The following EXPH5 variants were observed in gnomAD, a reference collection of about 807,000 sequenced individuals.
EXPH5 encodes the protein exophilin-5.
In EXPH5, 42 loss-of-function variants were observed where a neutral mutation model predicts 41.1. The observed-to-expected ratio is 1.02, with a 90% CI of 0.80 to 1.32. EXPH5 has a LOEUF of 1.32. Ranked by LOEUF, EXPH5 falls within the 40% of genes most tolerant of loss-of-function variation. The pLI is 0.00. For synonymous variants in EXPH5, 798 were observed against 833.5 expected (o/e 0.96, Z 0.73); for missense variants, 2,298 against 2,314.5 (o/e 0.99, Z 0.15).
intron 1 of EXPH5, among the ~76,000 whole-genome samples, chr11:108,551,136 G>A (rs554141197): frequency 1.3e-5 from 2 of 152,306 alleles, no homozygotes; most frequent in South Asian, 2.1e-4. Context: ...CTCATTTACA[G>A]AGAGGACATG....
chr11:108,520,527 A>T (rs1244282793), intron 4 of EXPH5, among the ~76,000 whole-genome samples: 1 of 151,900 alleles, frequency 6.6e-6, no homozygotes, highest in Non-Finnish European at 1.5e-5. Context: ...AATGATATAG[A>T]ACTAAATTTG....
chr11:108,573,622 G>A (rs1208103231), intron 1 of EXPH5, among the ~76,000 whole-genome samples: 1 of 152,160 alleles, frequency 6.6e-6, no homozygotes, highest in East Asian at 1.9e-4. Flanking sequence ...AAGGGCCTCA[G>A]AAGGAGATGG....
At chr11:108,587,046 T>C (rs1360096142) in intron 1 of EXPH5, among the ~76,000 whole-genome samples, 1 of 152,166 alleles carries the variant, frequency 6.6e-6, no homozygotes, top group African/African-American at 2.4e-5. Context: ...AGCTAGCACT[T>C]CTTAGTTCTT....
intron 1 of EXPH5, chr11:108,552,222 C>T (rs2093969305): frequency 6.6e-6 from 1 of 152,162 alleles, no homozygotes; most frequent in East Asian, 1.9e-4. Flanking sequence ...GGCCTGGTCT[C>T]TCTCCCTGTT....
chr11:108,574,251 C>T (rs1480435107), intron 1 of EXPH5, among the ~76,000 whole-genome samples: 1 of 151,820 alleles, frequency 6.6e-6, no homozygotes, highest in Non-Finnish European at 1.5e-5. Context: ...TGGTGGTGCA[C>T]GTTCATAGTC....
rs538863629 is a variant in EXPH5, at chr11:108,537,261, G to C, written c.443+1763C>G. 3.3e-5 allele frequency among the ~76,000 whole-genome samples: 5 copies of C among 152,262 alleles called. No homozygotes were observed. In the South Asian group the frequency reaches 8.3e-4, roughly 25 times the overall value. ...TCAAATTTAAAAATAAAAACGACAT[G>C]CTTTTATATTTCATCTTCTGAAACC... On this transcript the variant is annotated intron_variant, in intron 3 of 5. Coordinates refer to ENST00000265843, the MANE Select transcript of EXPH5 (RefSeq NM_015065.3).
chr11:108,555,941 T>C (rs1054433792), intron 1 of EXPH5, among the ~76,000 whole-genome samples: 1 of 152,176 alleles, frequency 6.6e-6, no homozygotes, highest in Non-Finnish European at 1.5e-5. Flanking sequence ...AACGGACGTA[T>C]ACAAGCCCCT....
intron 2 of EXPH5, among the ~76,000 whole-genome samples, chr11:108,540,827 TC>T (rs1054348786): frequency 5.9e-5 from 9 of 151,620 alleles, no homozygotes; most frequent in African/African-American, 2.2e-4. Context: ...CCTCCACCCC[TC>T]CCCTTTTTCT....
At chr11:108,594,812 T>C (rs1339993757), upstream of EXPH5, among the ~76,000 whole-genome samples, 1 of 152,228 alleles carries the variant, frequency 6.6e-6, no homozygotes, top group East Asian at 1.9e-4. Context: ...TACAAGAACA[T>C]GATATCAAAA....
chr11:108,607,471 G>T, the EXPH5 span, among the ~76,000 whole-genome samples: 1 of 152,142 alleles, frequency 6.6e-6, no homozygotes, highest in Non-Finnish European at 1.5e-5. Flanking sequence ...CCTTGTCATT[G>T]CTGGTACTTA....
intron 2 of EXPH5, among the ~76,000 whole-genome samples, chr11:108,539,902 T>A (rs989601484): frequency 6.6e-6 from 1 of 152,200 alleles, no homozygotes; most frequent in Non-Finnish European, 1.5e-5. Context: ...AGATCTGAAA[T>A]TGGAAATACT....
intron 1 of EXPH5, among the ~76,000 whole-genome samples, chr11:108,588,919 C>T (rs988330791): frequency 6.6e-6 from 1 of 152,074 alleles, no homozygotes; most frequent in African/African-American, 2.4e-5. Flanking sequence ...GGAAGTTCTC[C>T]CTCAGTTTAA....
At chr11:108,570,148 T>C (rs2094053368) in intron 1 of EXPH5, among the ~76,000 whole-genome samples, 1 of 152,222 alleles carries the variant, frequency 6.6e-6, no homozygotes, top group Non-Finnish European at 1.5e-5. Context: ...CTTCCAGCTT[T>C]AGGAGACTGC....
chr11:108,579,895 G>A (rs997009172), intron 1 of EXPH5, among the ~76,000 whole-genome samples: 1 of 152,046 alleles, frequency 6.6e-6, no homozygotes, highest in East Asian at 1.9e-4. Context: ...TAGCTGGGGC[G>A]CATACACACT....
intron 1 of EXPH5, among the ~76,000 whole-genome samples, chr11:108,572,088 G>A (rs1256104645): frequency 6.6e-6 from 1 of 151,254 alleles, no homozygotes; most frequent in Non-Finnish European, 1.5e-5. Flanking sequence ...TGCTCAGTTT[G>A]AGCCAATGTG....
chr11:108,533,329 A>C (rs1247734458), intron 3 of EXPH5, among the ~76,000 whole-genome samples: 1 of 151,812 alleles, frequency 6.6e-6, no homozygotes, highest in East Asian at 1.9e-4. Flanking sequence ...TCAGCCTCCC[A>C]AGTATCAGGG....
chr11:108,588,557 C>G (rs950694182), intron 1 of EXPH5, among the ~76,000 whole-genome samples: 1 of 151,956 alleles, frequency 6.6e-6, no homozygotes, highest in Non-Finnish European at 1.5e-5. Context: ...CTTCCTTTGT[C>G]GAATGGAGAT....
intron 1 of EXPH5, among the ~76,000 whole-genome samples, chr11:108,567,019 T>C (rs892053981): frequency 2.6e-5 from 4 of 152,254 alleles, no homozygotes; most frequent in African/African-American, 9.6e-5. Flanking sequence ...AATGATTTCA[T>C]GCCTCTCTTC....
chr11:108,533,350 C>A (rs2093856329), intron 3 of EXPH5, among the ~76,000 whole-genome samples: 1 of 151,974 alleles, frequency 6.6e-6, no homozygotes. Flanking sequence ...ATTACAGGCA[C>A]CTGCCACCAC....
Sources: allele counts gnomAD v4.1 joint callset (sites outside exome capture counted in the v4.1 genomes callset), GRCh38; gene constraint gnomAD v4.1.1; transcripts MANE v1.5; gene names NCBI Gene and HGNC (gene_info 2026-07-23, HGNC 2026-07-21).